CAMTA1: variants seen among roughly 807,000 people sequenced by gnomAD.
CAMTA1 encodes the protein calmodulin-binding transcription activator 1.
A neutral mutation model predicts 170.9 loss-of-function variants in CAMTA1; 27 were observed. The ratio of observed to expected loss-of-function variants is 0.16; its 90% CI spans 0.12 to 0.22. The LOEUF (loss-of-function observed/expected upper bound fraction) is 0.22, where lower values mean the gene tolerates loss of function less well. Ranked by LOEUF, CAMTA1 falls within the 10% of genes least tolerant of loss-of-function variation. CAMTA1 has a pLI of 1.00. For missense variants in CAMTA1, 1,619 were observed against 2,217.2 expected, an observed-to-expected ratio of 0.73 and a Z score of 5.42; for synonymous variants, 833 against 891.5, an observed-to-expected ratio of 0.93 and a Z score of 1.17.
chr1:7,272,692 C>CAAAAAAAATAA (rs1669987328), intron 5 of CAMTA1, among the ~76,000 whole-genome samples: 1 of 38,802 alleles, frequency 2.6e-5, no homozygotes, highest in Non-Finnish European at 4.6e-5. Context: ...TAAACACATG[C>CAAAAAAAATAA]AAAAAAAAAA....
intron 6 of CAMTA1, among the ~76,000 whole-genome samples, chr1:7,556,358 C>T (rs139673534): frequency 6.6e-6 from 1 of 152,248 alleles, no homozygotes; most frequent in African/African-American, 2.4e-5. Flanking sequence ...GGGGGGCAGT[C>T]CCTCCAGGTT....
chr1:7,552,075 C>T (rs542158370), intron 6 of CAMTA1, among the ~76,000 whole-genome samples: 18 of 152,296 alleles, frequency 1.2e-4, no homozygotes, highest in East Asian at 3.9e-4. Flanking sequence ...CAGTGGGAGA[C>T]GGTAGAACTT....
intron 3 of CAMTA1, among the ~76,000 whole-genome samples, chr1:7,016,900 G>A (rs1700636751): frequency 1.3e-5 from 2 of 152,020 alleles, no homozygotes; most frequent in Admixed American, 6.6e-5. Flanking sequence ...GTTAGTAGCC[G>A]AGACAGGAGA....
intron 4 of CAMTA1, among the ~76,000 whole-genome samples, chr1:7,147,107 C>T (rs752478489): frequency 8.5e-5 from 13 of 152,062 alleles, no homozygotes; most frequent in Non-Finnish European, 1.5e-4. Flanking sequence ...AGCATGCACA[C>T]ACACAAACAC....
At chr1:7,258,722 A>G (rs1267555774) in intron 5 of CAMTA1, among the ~76,000 whole-genome samples, 2 of 152,120 alleles carry the variant, frequency 1.3e-5, no homozygotes, top group Non-Finnish European at 2.9e-5. Flanking sequence ...TCAAATATTG[A>G]TCCTCTCTGC....
At chr1:7,073,507 C>T (rs773291700) in intron 3 of CAMTA1, among the ~76,000 whole-genome samples, 2 of 151,862 alleles carry the variant, frequency 1.3e-5, no homozygotes, top group Non-Finnish European at 2.9e-5. Flanking sequence ...TTGGGGCAAT[C>T]TGATGTTTAG....
intron 3 of CAMTA1, among the ~76,000 whole-genome samples, chr1:6,955,565 G>A (rs1689311497): frequency 6.6e-6 from 1 of 152,186 alleles, no homozygotes; most frequent in South Asian, 2.1e-4. Context: ...CAAAGCTTAG[G>A]ATGGCTGTCA....
chr1:7,509,847 C>T (rs1193177), intron 6 of CAMTA1, among the ~76,000 whole-genome samples: 4 of 151,610 alleles, frequency 2.6e-5, no homozygotes, highest in Non-Finnish European at 5.9e-5. Flanking sequence ...GCCAGCCAGG[C>T]GAGCTATGTG....
chr1:7,231,839 G>C (rs746825322), intron 4 of CAMTA1, among the ~76,000 whole-genome samples: 55 of 152,224 alleles, frequency 3.6e-4, no homozygotes, highest in Non-Finnish European at 6.8e-4. Context: ...TATTGAACAG[G>C]ATTGTGCAGG....
intron 5 of CAMTA1, among the ~76,000 whole-genome samples, chr1:7,364,784 C>G (rs1037511406): frequency 6.6e-6 from 1 of 152,076 alleles, no homozygotes; most frequent in Non-Finnish European, 1.5e-5. Context: ...TGGATAAGCC[C>G]CATAAAAACA....
At chr1:7,490,417 C>A (rs1382962508) in intron 6 of CAMTA1, among the ~76,000 whole-genome samples, 1 of 152,138 alleles carries the variant, frequency 6.6e-6, no homozygotes. Flanking sequence ...TTTGGGAGGC[C>A]GAGGCAGGCG....
At chr1:7,401,005 A>G (rs999230691) in intron 5 of CAMTA1, among the ~76,000 whole-genome samples, 1 of 152,226 alleles carries the variant, frequency 6.6e-6, no homozygotes, top group Non-Finnish European at 1.5e-5. Context: ...CTTTCAAAGA[A>G]TAGGTGTTCT....
intron 11 of CAMTA1, among the ~76,000 whole-genome samples, chr1:7,695,371 A>C (rs1305416356): frequency 1.3e-5 from 2 of 152,176 alleles, no homozygotes; most frequent in African/African-American, 2.4e-5. Flanking sequence ...CAAAGACATC[A>C]TTCCTCCCCG....
rs1273057040 is a variant in CAMTA1, at chr1:6,965,767, A to G, written c.235-125537A>G. Among the ~76,000 whole-genome samples the G allele has an allele frequency of 1.3e-5, 2 of 152,186 alleles. No homozygotes were observed. The highest frequency in any genetic ancestry group is 2.4e-5 in the African/African-American group (1 of 41,446). On this transcript the variant is annotated intron_variant, in intron 3 of 22. Coordinates refer to ENST00000303635, the MANE Select transcript of CAMTA1 (RefSeq NM_015215.4). This position sits in a 1 kb window ranked among gnomAD's most constrained non-coding sequence, Gnocchi z 4.1. The stretch of plus-strand genomic sequence containing the variant: ...TAGTGCCGGTTGTGACAAAAGCTGC[A>G]TTTGCATATCGCCGTGATGAGGTCT...
At chr1:7,483,878 G>A (rs1277088712) in intron 6 of CAMTA1, among the ~76,000 whole-genome samples, 2 of 152,098 alleles carry the variant, frequency 1.3e-5, no homozygotes, top group Non-Finnish European at 2.9e-5. Context: ...CCTGGCTCCC[G>A]TGAGCAGCCT....
intron 3 of CAMTA1, among the ~76,000 whole-genome samples, chr1:6,920,131 C>A (rs1681686163): frequency 6.6e-6 from 1 of 152,152 alleles, no homozygotes; most frequent in Non-Finnish European, 1.5e-5. Flanking sequence ...TGGCTATGAG[C>A]CTGTAAAATC....
At chr1:7,474,576 C>T (rs893774931) in intron 6 of CAMTA1, among the ~76,000 whole-genome samples, 2 of 152,222 alleles carry the variant, frequency 1.3e-5, no homozygotes, top group Admixed American at 1.3e-4. Flanking sequence ...CATCCCCACC[C>T]CATCCCTAGC....
chr1:7,239,319 C>A (rs977562907), intron 4 of CAMTA1, among the ~76,000 whole-genome samples: 3 of 152,212 alleles, frequency 2.0e-5, no homozygotes, highest in Non-Finnish European at 4.4e-5. Context: ...TGCCATCTTT[C>A]ATTTTACAGT....
intron 6 of CAMTA1, among the ~76,000 whole-genome samples, chr1:7,506,125 C>A (rs943420579): frequency 1.2e-4 from 19 of 152,132 alleles, no homozygotes; most frequent in African/African-American, 4.6e-4. Flanking sequence ...AACAGACCAC[C>A]CCCACCCTCT....
Sources: allele counts gnomAD v4.1 joint callset (sites outside exome capture counted in the v4.1 genomes callset), GRCh38; gene constraint gnomAD v4.1.1; non-coding constraint Gnocchi (gnomAD v3.1); transcripts MANE v1.5; gene names NCBI Gene and HGNC (gene_info 2026-07-23, HGNC 2026-07-21).